The following NAV2 variants were observed in gnomAD, a reference collection of about 807,000 sequenced individuals.
NAV2 encodes helicase, APC down-regulated 1.
In NAV2, 54 loss-of-function variants were observed where a neutral mutation model predicts 223.2. The ratio of observed to expected loss-of-function variants is 0.24; its 90% CI spans 0.19 to 0.30. NAV2 has a LOEUF of 0.30. Among genes scored for constraint, NAV2 ranks in the 10% least tolerant of loss-of-function variants. The pLI, the probability that NAV2 is intolerant of heterozygous loss-of-function variation, is 1.00. For synonymous variants in NAV2, 1,279 were observed against 1,239.3 expected (o/e 1.03, Z -0.67); for missense variants, 2,806 against 3,147.5 (o/e 0.89, Z 2.60).
At chr11:20,004,736 A>G (rs1327666434) in intron 11 of NAV2, among the ~76,000 whole-genome samples, 2 of 152,132 alleles carry the variant, frequency 1.3e-5, no homozygotes, top group Non-Finnish European at 2.9e-5. Flanking sequence ...CATGGACTAC[A>G]CTGGCCTTGG....
intron 1 of NAV2, among the ~76,000 whole-genome samples, chr11:19,785,311 T>C (rs1432697321): frequency 6.6e-6 from 1 of 152,176 alleles, no homozygotes; most frequent in Non-Finnish European, 1.5e-5. Context: ...CATCTGTCCT[T>C]AACCATCCTG....
At chr11:19,547,345 A>T (rs1025035652) in intron 1 of NAV2, among the ~76,000 whole-genome samples, 6 of 152,216 alleles carry the variant, frequency 3.9e-5, no homozygotes, top group African/African-American at 1.4e-4. Context: ...TGTAATGCCA[A>T]ATCAAAGCAG....
At chr11:19,415,401 T>C (rs773626724) in intron 1 of NAV2, among the ~76,000 whole-genome samples, 1 of 152,112 alleles carries the variant, frequency 6.6e-6, no homozygotes, top group Admixed American at 6.6e-5. Flanking sequence ...CAGGAAGAAG[T>C]CGAATCCCTG....
At chr11:20,096,444 A>G (rs574802589) in intron 30 of NAV2, among the ~76,000 whole-genome samples, 15 of 152,298 alleles carry the variant, frequency 9.8e-5, no homozygotes, top group African/African-American at 3.4e-4. Flanking sequence ...CTCATTAATC[A>G]TATTCCCTGA....
chr11:19,714,470 C>G, intron 1 of NAV2: 1 of 456,520 alleles, frequency 2.2e-6, no homozygotes, highest in Non-Finnish European at 4.4e-6. Flanking sequence ...CTGCTCTTCC[C>G]TTGGCTTGAA....
chr11:20,061,452 C>T (rs1028034167), intron 19 of NAV2, among the ~76,000 whole-genome samples: 4 of 151,850 alleles, frequency 2.6e-5, no homozygotes, highest in Non-Finnish European at 4.4e-5. Flanking sequence ...GCCTATAATC[C>T]CAGCTACTCA....
intron 11 of NAV2, among the ~76,000 whole-genome samples, chr11:19,990,622 C>T (rs1417404234): frequency 1.3e-5 from 2 of 152,072 alleles, no homozygotes; most frequent in African/African-American, 2.4e-5. Flanking sequence ...TCCTCTTTGA[C>T]CACTAATCCC....
intron 1 of NAV2, among the ~76,000 whole-genome samples, chr11:19,719,231 G>A (rs1217022631): frequency 6.6e-6 from 1 of 152,184 alleles, no homozygotes; most frequent in African/African-American, 2.4e-5. Flanking sequence ...TGGAGCATCT[G>A]CTATGTGCCA....
intron 1 of NAV2, among the ~76,000 whole-genome samples, chr11:19,607,837 G>C (rs530105593): frequency 6.6e-6 from 1 of 151,362 alleles, no homozygotes; most frequent in Non-Finnish European, 1.5e-5. Context: ...AAACATTTCA[G>C]CAAAGATTCT....
intron 6 of NAV2, among the ~76,000 whole-genome samples, chr11:19,912,062 A>T (rs1236006775): frequency 6.6e-6 from 1 of 152,230 alleles, no homozygotes; most frequent in African/African-American, 2.4e-5. Flanking sequence ...CTACTAGGTT[A>T]CATCCTGACT....
intron 19 of NAV2, 38 bp from the exon 20 acceptor site, chr11:20,062,269 G>A (rs1467490002): frequency 1.3e-6 from 2 of 1,533,426 alleles, no homozygotes; most frequent in African/African-American, 1.4e-5. Context: ...TTCCATAACA[G>A]CCATCTATCA....
chr11:19,382,980 G>T (rs895228128), intron 1 of NAV2, among the ~76,000 whole-genome samples: 1 of 152,182 alleles, frequency 6.6e-6, no homozygotes, highest in African/African-American at 2.4e-5. Context: ...TAGCTTGTGA[G>T]GCCAGAGCTG....
At chr11:19,883,295 A>G (rs1339739585) in intron 5 of NAV2, among the ~76,000 whole-genome samples, 1 of 152,228 alleles carries the variant, frequency 6.6e-6, no homozygotes, top group Non-Finnish European at 1.5e-5. Flanking sequence ...CTCCACTGGC[A>G]TGAAGGAATC....
chr11:19,492,867 G>T lies in NAV2; in HGVS notation c.75+141840G>T, dbSNP rs544154137. 4.7e-4 allele frequency among the ~76,000 whole-genome samples: 72 copies of T among 152,258 alleles called. 1 individual carries two copies. In the South Asian group the frequency reaches 0.014, roughly 30 times the overall value. On this transcript the variant is annotated intron_variant, in intron 1 of 37. Transcript: ENST00000360655. ...CTATATTTTCACCGAGGGAGGAGAG[G>T]TTAGATGTGACACGGTACATCCTAA...
intron 1 of NAV2, among the ~76,000 whole-genome samples, chr11:19,414,755 A>G (rs1850293405): frequency 6.6e-6 from 1 of 152,232 alleles, no homozygotes; most frequent in Non-Finnish European, 1.5e-5. Flanking sequence ...CTCTCAGATG[A>G]CAGTGCGATC....
intron 36 of NAV2, among the ~76,000 whole-genome samples, chr11:20,112,876 A>G (rs1446403298): frequency 2.6e-5 from 4 of 152,150 alleles, no homozygotes; most frequent in Admixed American, 1.3e-4. Context: ...GTTGGTTCAG[A>G]GCTCAGCTTC....
intron 30 of NAV2, among the ~76,000 whole-genome samples, chr11:20,096,827 A>T (rs1449746689): frequency 6.6e-6 from 1 of 152,212 alleles, no homozygotes; most frequent in Non-Finnish European, 1.5e-5. Flanking sequence ...AATGGCTTAG[A>T]TGGACCGATT....
intron 1 of NAV2, among the ~76,000 whole-genome samples, chr11:19,540,531 G>C (rs913956450): frequency 1.3e-5 from 2 of 152,122 alleles, no homozygotes; most frequent in African/African-American, 4.8e-5. Flanking sequence ...CACACACCTG[G>C]TAAGTTGCAG....
At chr11:19,519,403 T>C (rs1473500608) in intron 1 of NAV2, among the ~76,000 whole-genome samples, 2 of 152,216 alleles carry the variant, frequency 1.3e-5, no homozygotes, top group Non-Finnish European at 2.9e-5. Context: ...CGTTTCCTTT[T>C]AACATGTGTG....
Sources: gnomAD v4.1 joint callset for allele counts (sites outside exome capture counted in the v4.1 genomes callset) on GRCh38, gnomAD v4.1.1 for gene constraint, MANE v1.5 for transcripts, NCBI Gene and HGNC (gene_info 2026-07-23, HGNC 2026-07-21) for gene names.